PRMT3: variants seen among roughly 807,000 people sequenced by gnomAD.
The protein encoded by PRMT3 is protein arginine N-methyltransferase 3.
A neutral mutation model predicts 71.9 loss-of-function variants in PRMT3; 62 were observed. That is an observed-to-expected ratio of 0.86 (90% CI 0.70 to 1.07). PRMT3 has a LOEUF of 1.07. PRMT3 is among the 50% of genes least tolerant of loss of function. The pLI, the probability that PRMT3 is intolerant of heterozygous loss-of-function variation, is 0.00. For missense variants in PRMT3, 663 were observed against 643.0 expected, an observed-to-expected ratio of 1.03 and a Z score of -0.34; for synonymous variants, 213 against 220.4, an observed-to-expected ratio of 0.97 and a Z score of 0.30.
At chr11:20,476,036 A>G (rs1317461525) in intron 13 of PRMT3, among the ~76,000 whole-genome samples, 1 of 152,032 alleles carries the variant, frequency 6.6e-6, no homozygotes, top group Non-Finnish European at 1.5e-5. Context: ...GTACTTGTCT[A>G]TAAAGCAGGC....
chr11:20,477,751 TTAA>T (rs1262091472), intron 13 of PRMT3, among the ~76,000 whole-genome samples: 3 of 151,844 alleles, frequency 2.0e-5, no homozygotes, highest in African/African-American at 7.3e-5. Flanking sequence ...TAATGTCGTA[TTAA>T]TAGAGATAGT....
At chr11:20,487,641 T>A (rs1173723294) in intron 13 of PRMT3, among the ~76,000 whole-genome samples, 2 of 152,208 alleles carry the variant, frequency 1.3e-5, no homozygotes, top group Non-Finnish European at 2.9e-5. Context: ...TGATGTACAC[T>A]TATGTGCACT....
At chr11:20,506,704 C>T (rs1449993040) in intron 15 of PRMT3, among the ~76,000 whole-genome samples, 1 of 152,094 alleles carries the variant, frequency 6.6e-6, no homozygotes, top group Non-Finnish European at 1.5e-5. Context: ...TTTCCTTGGT[C>T]ATTATATGGA....
intron 9 of PRMT3, among the ~76,000 whole-genome samples, chr11:20,408,793 C>G (rs1489322299): frequency 6.6e-6 from 1 of 152,124 alleles, no homozygotes; most frequent in Non-Finnish European, 1.5e-5. Flanking sequence ...CTGTTCCACT[C>G]TTAAGATTGA....
rs1352142026 is a variant in PRMT3 at position 20,462,092 on chromosome 11, G to A, written c.1185G>A (p.Lys395=). 1 of 1,613,200 alleles carries A rather than the reference G, an allele frequency of 6.2e-7. No homozygotes were observed. Among genetic ancestry groups the A allele is most frequent in the South Asian group, 1.1e-5 (1 of 90,952 alleles). ...DVYGFKMSCM[K]KAVIPEAVVE... is the part of the protein sequence containing the mutation. ...ATGGCTTCAAGATGTCCTGCATGAA[G>A]AAAGCAGTTATTCCAGAAGCTGTTG... Residue 395 remains lysine, a synonymous_variant, in exon 12 of 16, where the codon AAG becomes AAA. Coordinates refer to ENST00000331079, the MANE Select transcript of PRMT3 (RefSeq NM_005788.4).
chr11:20,477,911 AT>A (rs781184600), intron 13 of PRMT3, among the ~76,000 whole-genome samples: 16 of 149,582 alleles, frequency 1.1e-4, no homozygotes, highest in Non-Finnish European at 1.9e-4. Context: ...TGCCTTTTGG[AT>A]TTCTCCAAAT....
At chr11:20,466,563 G>C (rs956377706) in intron 13 of PRMT3, among the ~76,000 whole-genome samples, 2 of 152,128 alleles carry the variant, frequency 1.3e-5, no homozygotes, top group Non-Finnish European at 2.9e-5. Flanking sequence ...GTTTTGGAAA[G>C]CAGTTTTAGC....
At chr11:20,451,597 G>T (rs1850150520) in intron 10 of PRMT3, among the ~76,000 whole-genome samples, 1 of 151,762 alleles carries the variant, frequency 6.6e-6, no homozygotes, top group South Asian at 2.1e-4. Flanking sequence ...TGACATTTTG[G>T]GCCAGGCCAT....
intron 10 of PRMT3, among the ~76,000 whole-genome samples, chr11:20,438,794 T>C (rs772195408): frequency 7.2e-5 from 11 of 152,098 alleles, no homozygotes; most frequent in Non-Finnish European, 1.3e-4. Flanking sequence ...AGGCACCATT[T>C]CCTGGGATGC....
At chr11:20,494,411 G>A (rs1343902915) in intron 15 of PRMT3, among the ~76,000 whole-genome samples, 157 bp downstream of exon 15, 1 of 152,182 alleles carries the variant, frequency 6.6e-6, no homozygotes, top group Non-Finnish European at 1.5e-5. Context: ...TCGGCTCACT[G>A]CAACCTCCAT....
At chr11:20,497,907 CA>C (rs538631607) in intron 15 of PRMT3, among the ~76,000 whole-genome samples, 3 of 152,080 alleles carry the variant, frequency 2.0e-5, no homozygotes, top group Non-Finnish European at 4.4e-5. Context: ...TACATTCAAC[CA>C]AACAATGGGT....
intron 10 of PRMT3, among the ~76,000 whole-genome samples, chr11:20,439,092 A>C (rs910217389): frequency 2.6e-5 from 4 of 152,218 alleles, no homozygotes; most frequent in Middle Eastern, 3.2e-3. Context: ...CACTTCAGCC[A>C]TAGTTTCAAT....
At chr11:20,404,329 G>A (rs1429218502) in intron 8 of PRMT3, among the ~76,000 whole-genome samples, 1 of 140,142 alleles carries the variant, frequency 7.1e-6, no homozygotes, top group Non-Finnish European at 1.5e-5. Flanking sequence ...CGCCTCCTGG[G>A]TTCAAGCGAT....
In PRMT3 at chr11:20,446,804, G is replaced by A. The variant is rs1326805616; in HGVS notation, c.994-5326G>A. Among the ~76,000 whole-genome samples, 2 of 152,066 alleles carry A rather than the reference G, an allele frequency of 1.3e-5. 1 individual carries two copies. Among genetic ancestry groups the A allele is most frequent in the Non-Finnish European group, 2.9e-5 (2 of 67,994 alleles). On this transcript the variant is annotated intron_variant, in intron 10 of 15. Transcript: ENST00000331079. ...ACAACATTTTCCTACCCATTCTATG[G>A]CAAATAAGTGCAAAGGGTAAAGGTA...
chr11:20,413,237 G>A (rs978415721), intron 9 of PRMT3, among the ~76,000 whole-genome samples: 5 of 151,912 alleles, frequency 3.3e-5, no homozygotes, highest in African/African-American at 1.2e-4. Context: ...TTTAAAATTT[G>A]GAGTGAAATG....
chr11:20,415,885 A>G (rs529371520), intron 9 of PRMT3, among the ~76,000 whole-genome samples: 52 of 152,170 alleles, frequency 3.4e-4, no homozygotes, highest in Non-Finnish European at 6.9e-4. Flanking sequence ...TGCCATGGCT[A>G]TAGAGATCTA....
At chr11:20,478,912 G>A (rs1850863220) in intron 13 of PRMT3, among the ~76,000 whole-genome samples, 1 of 152,142 alleles carries the variant, frequency 6.6e-6, no homozygotes, top group Non-Finnish European at 1.5e-5. Context: ...TTTGTTGTAA[G>A]TTGACCTAAT....
chr11:20,481,262 T>TAAAAAA (rs11451315), intron 13 of PRMT3, among the ~76,000 whole-genome samples: 1 of 147,258 alleles, frequency 6.8e-6, no homozygotes, highest in Non-Finnish European at 1.5e-5. Flanking sequence ...AGCATTCAGG[T>TAAAAAA]AAAAAAAAAA....
intron 10 of PRMT3, among the ~76,000 whole-genome samples, chr11:20,437,836 G>T (rs566128888): frequency 1.4e-3 from 217 of 152,168 alleles, no homozygotes; most frequent in African/African-American, 5.0e-3. Context: ...TGATCCGCCC[G>T]CCTCGGCCTC....
Sources: gnomAD v4.1 joint callset for allele counts (sites outside exome capture counted in the v4.1 genomes callset) on GRCh38, gnomAD v4.1.1 for gene constraint, MANE v1.5 for transcripts, NCBI Gene and HGNC (gene_info 2026-07-23, HGNC 2026-07-21) for gene names.